Variants in ZNF804B observed in about 807,000 individuals in gnomAD.
ZNF804B encodes the protein zinc finger protein 804B.
ZNF804B carries 80 observed loss-of-function variants against 101.4 expected under a neutral mutation model. The ratio of observed to expected loss-of-function variants is 0.79; its 90% CI spans 0.66 to 0.95. ZNF804B has a LOEUF of 0.95. Among genes scored for constraint, ZNF804B ranks in the 40% least tolerant of loss-of-function variants. ZNF804B has a pLI of 0.00. For synonymous variants in ZNF804B, 622 were observed against 558.8 expected (o/e 1.11, Z -1.59); for missense variants, 1,673 against 1,561.9 (o/e 1.07, Z -1.20).
intron 1 of ZNF804B, among the ~76,000 whole-genome samples, chr7:88,888,188 C>G (rs1332439965): frequency 2.6e-5 from 4 of 152,010 alleles, no homozygotes; most frequent in Non-Finnish European, 5.9e-5. Context: ...GTCAGGACTT[C>G]GAGACCAGTC....
chr7:88,901,870 A>G (rs1052769702), intron 1 of ZNF804B, among the ~76,000 whole-genome samples: 6 of 151,922 alleles, frequency 3.9e-5, no homozygotes, highest in African/African-American at 9.7e-5. Flanking sequence ...AGCTTTGTCC[A>G]TGTATCCCAA....
At chr7:88,970,469 A>G (rs1287414190) in intron 1 of ZNF804B, among the ~76,000 whole-genome samples, 1 of 151,478 alleles carries the variant, frequency 6.6e-6, no homozygotes, top group East Asian at 2.0e-4. Flanking sequence ...TAAACCAGAT[A>G]TTCTAAGATT....
chr7:88,885,857 T>C (rs1033122734), intron 1 of ZNF804B, among the ~76,000 whole-genome samples: 1 of 151,966 alleles, frequency 6.6e-6, no homozygotes, highest in Non-Finnish European at 1.5e-5. Context: ...AATAAAATAA[T>C]GCATTATTAG....
chr7:89,305,884 C>T (rs2115932333), intron 2 of ZNF804B, among the ~76,000 whole-genome samples: 1 of 151,770 alleles, frequency 6.6e-6, no homozygotes, highest in South Asian at 2.1e-4. Flanking sequence ...TTTATGGTAG[C>T]CATTTTTATT....
chr7:89,049,272 C>A (rs1377475975), intron 1 of ZNF804B, among the ~76,000 whole-genome samples: 2 of 152,082 alleles, frequency 1.3e-5, no homozygotes, highest in African/African-American at 4.8e-5. Context: ...TCTCACTCAG[C>A]CCAATGCTCC....
chr7:88,812,669 T>C (rs569753544), intron 1 of ZNF804B, among the ~76,000 whole-genome samples: 24 of 152,320 alleles, frequency 1.6e-4, no homozygotes, highest in East Asian at 7.7e-4. Flanking sequence ...TGTATATATA[T>C]GTACATGTGT....
intron 1 of ZNF804B, among the ~76,000 whole-genome samples, chr7:89,209,292 T>A (rs1788767467): frequency 6.6e-6 from 1 of 152,050 alleles, no homozygotes; most frequent in South Asian, 2.1e-4. Context: ...GCATCTTTGA[T>A]GAATCATTAA....
intron 1 of ZNF804B, among the ~76,000 whole-genome samples, chr7:89,208,993 C>T (rs897611276): frequency 8.5e-5 from 13 of 152,192 alleles, no homozygotes; most frequent in Admixed American, 7.9e-4. Context: ...GCCTGGGCGA[C>T]AGAGTGAGAC....
At chr7:88,765,958 A>T (rs1215913049) in intron 1 of ZNF804B, among the ~76,000 whole-genome samples, 2 of 152,194 alleles carry the variant, frequency 1.3e-5, no homozygotes, top group Non-Finnish European at 1.5e-5. Context: ...CAGCATTTTC[A>T]GTTGTAGCTA....
chr7:89,266,121 A>G (rs1789791961), intron 2 of ZNF804B, among the ~76,000 whole-genome samples: 1 of 152,138 alleles, frequency 6.6e-6, no homozygotes. Flanking sequence ...TGGGACTTTC[A>G]CTGACCTCCA....
intron 1 of ZNF804B, among the ~76,000 whole-genome samples, chr7:88,904,377 G>A (rs191429058): frequency 2.0e-5 from 3 of 152,154 alleles, no homozygotes; most frequent in Admixed American, 6.5e-5. Flanking sequence ...GTTTGAAGTT[G>A]GAGAGTGTGA....
intron 2 of ZNF804B, among the ~76,000 whole-genome samples, chr7:89,283,094 C>G (rs1301574262): frequency 6.6e-6 from 1 of 151,990 alleles, no homozygotes; most frequent in Admixed American, 6.6e-5. Context: ...TGAATTCATA[C>G]TCTGAAAAGA....
At chr7:89,216,345 A>G (rs1788896533) in intron 1 of ZNF804B, among the ~76,000 whole-genome samples, 1 of 152,004 alleles carries the variant, frequency 6.6e-6, no homozygotes, top group Non-Finnish European at 1.5e-5. Context: ...AGAGTGGAGA[A>G]ATAATGGTTT....
At position 89,220,008 on chromosome 7, in the gene ZNF804B, T is replaced by C. The variant is rs1456566541; in HGVS notation, c.249+1713T>C. On this transcript the variant is annotated intron_variant, in intron 2 of 3. Coordinates refer to ENST00000333190, the MANE Select transcript of ZNF804B (RefSeq NM_181646.5). ...ATGTGTGCATATATGTATATGCACATATATGTGTGTATACATATATATACG... is the reference window on the plus strand; with the variant it reads ...ATGTGTGCATATATGTATATGCACACATATGTGTGTATACATATATATACG... 4.9e-5 allele frequency among the ~76,000 whole-genome samples: 6 copies of C among 122,136 alleles called. 2 individuals are homozygous for C. Among genetic ancestry groups the C allele is most frequent in the African/African-American group, 1.6e-4 (5 of 31,240 alleles). 80.1% of individuals were successfully genotyped at this position (122,136 alleles called of 152,430 possible). A position where few individuals can be genotyped will look rare whatever the true frequency, so the allele number is the denominator to read the frequency against.
intron 1 of ZNF804B, among the ~76,000 whole-genome samples, chr7:89,015,834 TC>T (rs1788545511): frequency 6.6e-6 from 1 of 152,188 alleles, no homozygotes; most frequent in Non-Finnish European, 1.5e-5. Context: ...TGATTTATAG[TC>T]CTTTGGGTAT....
intron 2 of ZNF804B, among the ~76,000 whole-genome samples, chr7:89,243,926 A>T (rs1450205433): frequency 6.6e-6 from 1 of 151,960 alleles, no homozygotes; most frequent in Non-Finnish European, 1.5e-5. Context: ...TTATATTTCC[A>T]AATACATAAG....
chr7:89,024,119 T>C (rs749812560), intron 1 of ZNF804B, among the ~76,000 whole-genome samples: 1 of 152,220 alleles, frequency 6.6e-6, no homozygotes, highest in Non-Finnish European at 1.5e-5. Context: ...AGAGCTCTCA[T>C]GTCTAATAAT....
intron 2 of ZNF804B, among the ~76,000 whole-genome samples, chr7:89,310,107 G>T (rs1363165989): frequency 6.6e-6 from 1 of 150,934 alleles, no homozygotes; most frequent in Non-Finnish European, 1.5e-5. Flanking sequence ...AAAAGAGTCA[G>T]CTTTTGCTCT....
chr7:88,940,901 T>C (rs1793046050), intron 1 of ZNF804B, among the ~76,000 whole-genome samples: 1 of 151,288 alleles, frequency 6.6e-6, no homozygotes, highest in Non-Finnish European at 1.5e-5. Flanking sequence ...TCTAAAATAA[T>C]GTGATGAAGT....
Sources: gnomAD v4.1 joint callset for allele counts (sites outside exome capture counted in the v4.1 genomes callset) on GRCh38, gnomAD v4.1.1 for gene constraint, MANE v1.5 for transcripts, NCBI Gene and HGNC (gene_info 2026-07-23, HGNC 2026-07-21) for gene names.